PKHD1: variants seen among roughly 807,000 people sequenced by gnomAD.
The protein encoded by PKHD1 is fibrocystin.
In PKHD1, 291 loss-of-function variants were observed where a neutral mutation model predicts 412.0. The observed-to-expected ratio is 0.71, with a 90% CI of 0.64 to 0.78. The LOEUF (loss-of-function observed/expected upper bound fraction) is 0.78, where lower values mean the gene tolerates loss of function less well. Among genes scored for constraint, PKHD1 ranks in the 30% least tolerant of loss-of-function variants. The pLI is 0.00. For synonymous variants in PKHD1, 1,777 were observed against 1,821.5 expected (o/e 0.98, Z 0.62); for missense variants, 4,825 against 4,950.7 (o/e 0.97, Z 0.76).
At chr6:51,922,603 C>A (rs1784873044) in intron 37 of PKHD1, among the ~76,000 whole-genome samples, 1 of 152,176 alleles carries the variant, frequency 6.6e-6, no homozygotes, top group South Asian at 2.1e-4. Context: ...CCACTCAGTT[C>A]GAGTTTCCTG....
chr6:51,709,827 A>G (rs1582208623), intron 60 of PKHD1, among the ~76,000 whole-genome samples: 1 of 149,996 alleles, frequency 6.7e-6, no homozygotes. Flanking sequence ...TTTTGTGTGT[A>G]CCTGACATCT....
At chr6:51,824,704 T>C (rs1234501377) in intron 52 of PKHD1, among the ~76,000 whole-genome samples, 8 of 152,234 alleles carry the variant, frequency 5.3e-5, no homozygotes, top group Non-Finnish European at 7.3e-5. Context: ...GTTGTCTCCC[T>C]GGATCTTTAA....
intron 60 of PKHD1, among the ~76,000 whole-genome samples, chr6:51,729,319 T>C (rs756960160): frequency 1.3e-5 from 2 of 152,212 alleles, no homozygotes; most frequent in Non-Finnish European, 2.9e-5. Flanking sequence ...TGGTGTTCTT[T>C]TCCTTGACAC....
rs550131509 is a variant in PKHD1, at chr6:51,739,030, T to TTA, written c.10156+5353_10156+5354dup. 7.5e-4 allele frequency among the ~76,000 whole-genome samples: 112 copies of TTA among 148,590 alleles called. 2 individuals are homozygous for TTA. In the South Asian group the frequency reaches 0.014, roughly 18 times the overall value. On this transcript the variant is annotated intron_variant, in intron 60 of 66. Transcript: ENST00000371117. ...ATGTGTGTGTGTGTGTGTATGTACTTTATATATATATATTTTTTATTTTAT... is the reference window on the plus strand; with the variant it reads ...ATGTGTGTGTGTGTGTGTATGTACTTTATATATATATATATTTTTTATTTTAT...
intron 35 of PKHD1, among the ~76,000 whole-genome samples, chr6:51,986,073 G>C (rs1796178172): frequency 6.6e-6 from 1 of 152,100 alleles, no homozygotes; most frequent in Non-Finnish European, 1.5e-5. Flanking sequence ...AACGTAATGG[G>C]ATTAATAGGA....
At chr6:51,833,526 GT>G (rs148126295) in intron 51 of PKHD1, among the ~76,000 whole-genome samples, 14,705 of 152,104 alleles carry the variant, frequency 0.097, 804 homozygotes, top group East Asian at 0.15. Flanking sequence ...GCCTACAAGA[GT>G]TAAAGAAGCA....
chr6:51,836,369 T>C (rs1408394569), intron 51 of PKHD1, 35 bp downstream of exon 51: 2 of 1,379,042 alleles, frequency 1.5e-6, no homozygotes, highest in East Asian at 4.6e-5. Flanking sequence ...CATTCTGCCA[T>C]ACTAGACACT....
chr6:51,664,709 G>C (rs1773434900), intron 60 of PKHD1, among the ~76,000 whole-genome samples: 1 of 152,086 alleles, frequency 6.6e-6, no homozygotes, highest in Admixed American at 6.6e-5. Context: ...TTAGTTATTT[G>C]CTTGTTTAAA....
intron 43 of PKHD1, among the ~76,000 whole-genome samples, chr6:51,889,992 GA>G (rs1169094781): frequency 1.3e-5 from 2 of 151,802 alleles, no homozygotes; most frequent in Non-Finnish European, 1.5e-5. Context: ...ATTTATGGTG[GA>G]TTTTTTTTTT....
chr6:52,044,290 GA>G (rs1413752623), intron 25 of PKHD1, among the ~76,000 whole-genome samples: 1 of 152,148 alleles, frequency 6.6e-6, no homozygotes, highest in African/African-American at 2.4e-5. Flanking sequence ...TTGGAAATGA[GA>G]AAGGTAAAAA....
At chr6:51,657,120 T>A (rs1324106756) in intron 61 of PKHD1, among the ~76,000 whole-genome samples, 6 of 145,396 alleles carry the variant, frequency 4.1e-5, no homozygotes, top group African/African-American at 7.6e-5. Flanking sequence ...ATAATAATAA[T>A]AAAAAAAAAA....
At chr6:51,947,480 T>G (rs537418419) in intron 36 of PKHD1, among the ~76,000 whole-genome samples, 2 of 152,342 alleles carry the variant, frequency 1.3e-5, no homozygotes, top group Admixed American at 6.5e-5. Flanking sequence ...GTATCTAATT[T>G]CATGTCTTCA....
chr6:51,776,698 T>C (rs991767335), intron 53 of PKHD1, among the ~76,000 whole-genome samples: 4 of 152,036 alleles, frequency 2.6e-5, no homozygotes, highest in African/African-American at 9.7e-5. Flanking sequence ...CAGAATCTAT[T>C]TGAACACAGA....
intron 61 of PKHD1, among the ~76,000 whole-genome samples, chr6:51,652,995 C>A (rs1288098842): frequency 1.3e-5 from 2 of 152,096 alleles, no homozygotes; most frequent in Admixed American, 6.6e-5. Flanking sequence ...AAAGTAAATT[C>A]TTTAGTCAAT....
chr6:51,840,588 C>A (rs534355377), intron 50 of PKHD1, among the ~76,000 whole-genome samples: 1 of 151,506 alleles, frequency 6.6e-6, no homozygotes, highest in African/African-American at 2.4e-5. Context: ...CCAGACCCTG[C>A]CACAGACCTA....
chr6:51,798,546 C>T (rs543849496), intron 52 of PKHD1, among the ~76,000 whole-genome samples: 7 of 152,108 alleles, frequency 4.6e-5, no homozygotes, highest in African/African-American at 7.2e-5. Flanking sequence ...TCTCTGGTTG[C>T]CTTTAACATT....
chr6:52,032,982 G>T (rs1158565751), intron 29 of PKHD1, 48 bp downstream of exon 29: 1 of 1,538,160 alleles, frequency 6.5e-7, no homozygotes, highest in East Asian at 2.2e-5. Flanking sequence ...CTTTTTATAG[G>T]ACCAATGCTC....
intron 60 of PKHD1, among the ~76,000 whole-genome samples, chr6:51,671,014 C>T (rs975922441): frequency 1.3e-5 from 2 of 151,970 alleles, no homozygotes; most frequent in African/African-American, 4.8e-5. Context: ...GTGAATCTGA[C>T]AATTATGTGT....
At chr6:51,634,386 G>A (rs868357701) in intron 64 of PKHD1, among the ~76,000 whole-genome samples, 2 of 152,126 alleles carry the variant, frequency 1.3e-5, no homozygotes, top group Non-Finnish European at 2.9e-5. Context: ...TCAAGTAATT[G>A]CTTTTTATGG....
Sources: allele counts gnomAD v4.1 joint callset (sites outside exome capture counted in the v4.1 genomes callset), GRCh38; gene constraint gnomAD v4.1.1; transcripts MANE v1.5; gene names NCBI Gene and HGNC (gene_info 2026-07-23, HGNC 2026-07-21).